Variants in NSUN7 observed in about 807,000 individuals in gnomAD.
NSUN7 encodes NOP2/Sun RNA methyltransferase family member 7, also known as protein NSUN7.
A neutral mutation model predicts 58.5 loss-of-function variants in NSUN7; 39 were observed. The observed-to-expected ratio is 0.67, with a 90% confidence interval of 0.52 to 0.87. NSUN7 has a LOEUF of 0.87. NSUN7 is among the 40% of genes least tolerant of loss of function. NSUN7 has a pLI of 0.00. For missense variants in NSUN7, 765 were observed against 844.1 expected, an observed-to-expected ratio of 0.91 and a Z score of 1.16; for synonymous variants, 278 against 303.7, an observed-to-expected ratio of 0.92 and a Z score of 0.88.
At chr4:40,794,687 G>T (rs561653601) in intron 9 of NSUN7, among the ~76,000 whole-genome samples, 129 of 152,230 alleles carry the variant, frequency 8.5e-4, no homozygotes, top group African/African-American at 3.0e-3. Flanking sequence ...TTTTAAACAG[G>T]TTAGCAAGCA....
Position 40,775,119 on chromosome 4 carries a change from A to T in NSUN7, c.825+169A>T, listed in dbSNP as rs1045058082. On this transcript the variant is annotated intron_variant, in intron 6 of 11. Transcript: ENST00000381782. The surrounding 1 kb of genome is among the most constrained non-coding windows in gnomAD (Gnocchi z 4.3). ...AAATTAATACCTCTACAATCAGTGC[A>T]TCTGGTTGGCGTCTTTGTCTCATGT... 3 of 375,554 alleles carry T rather than the reference A, an allele frequency of 8.0e-6. No individual in the cohort carries two copies. In the East Asian group the frequency reaches 1.3e-4, roughly 16 times the overall value. The allele number at this position is 375,554 out of a possible 1,614,324, so 23.3% of individuals were successfully genotyped here.
chr4:40,754,841 A>G (rs1741059843), intron 2 of NSUN7, among the ~76,000 whole-genome samples: 1 of 152,086 alleles, frequency 6.6e-6, no homozygotes, highest in African/African-American at 2.4e-5. Flanking sequence ...TTTCAGTTTT[A>G]TTGTTTGTTC....
chr4:40,751,829 C>CA lies in NSUN7; in HGVS notation c.298+847dup, dbSNP rs966697510. On this transcript the variant is annotated intron_variant, in intron 2 of 11. Transcript: ENST00000381782. ...GGCATATAGTGAGATCTCCTCTCTACAAAAAAAAATTTAAAAATTAGCCCA... is the reference window on the plus strand; with the variant it reads ...GGCATATAGTGAGATCTCCTCTCTACAAAAAAAAAATTTAAAAATTAGCCCA... Among the ~76,000 whole-genome samples the CA allele has an allele frequency of 1.8e-4, 27 of 151,520 alleles. 1 individual carries two copies. The highest frequency in any genetic ancestry group is 2.4e-4 in the Non-Finnish European group (16 of 67,862).
intron 8 of NSUN7, among the ~76,000 whole-genome samples, chr4:40,792,045 A>C (rs1560560603): frequency 6.6e-6 from 1 of 152,224 alleles, no homozygotes; most frequent in Admixed American, 6.5e-5. Flanking sequence ...TTGACTTGCT[A>C]TAGAAAATTT....
intron 10 of NSUN7, among the ~76,000 whole-genome samples, chr4:40,801,859 A>AT (rs1743596972): frequency 6.7e-6 from 1 of 149,366 alleles, no homozygotes; most frequent in African/African-American, 2.5e-5. Context: ...CCGAGATCGC[A>AT]TCACTGCACT....
Position 40,750,168 on chromosome 4 carries a change from G to C in NSUN7, c.-224G>C, listed in dbSNP as rs1019969996. On this transcript the variant is annotated 5_prime_UTR_variant, in exon 1 of 12. Transcript: ENST00000381782. Reference sequence around the variant, plus strand: ...TGCCCCGAATCCTGCCGGTGGGAGTGGCTGCATTTGAACCAAACGGCCTTC... The same window carrying C: ...TGCCCCGAATCCTGCCGGTGGGAGTCGCTGCATTTGAACCAAACGGCCTTC... 1 of 152,864 alleles carries C rather than the reference G, an allele frequency of 6.5e-6. No homozygotes were observed. Among genetic ancestry groups the C allele is most frequent in the African/African-American group, 2.4e-5 (1 of 41,438 alleles). 9.5% of individuals were successfully genotyped at this position (152,864 alleles called of 1,614,324 possible).
intron 9 of NSUN7, 37 bp downstream of exon 9, chr4:40,794,513 G>C: frequency 8.0e-7 from 1 of 1,249,790 alleles, no homozygotes; most frequent in Non-Finnish European, 1.2e-6. Context: ...TTAAAATAAG[G>C]TGTACATTTT....
intron 4 of NSUN7, among the ~76,000 whole-genome samples, chr4:40,768,640 C>T (rs1741850771): frequency 6.6e-6 from 1 of 152,160 alleles, no homozygotes; most frequent in African/African-American, 2.4e-5. Flanking sequence ...CCCCTAAGCA[C>T]CAACATGTAT....
At chr4:40,786,724 C>A in intron 7 of NSUN7, 4 of 1,544,350 alleles carry the variant, frequency 2.6e-6, no homozygotes, top group Non-Finnish European at 3.5e-6. Flanking sequence ...ATATCAATAC[C>A]TATTATATCT....
Position 40,792,842 on chromosome 4 carries a change from G to A in NSUN7, c.1181-1533G>A, listed in dbSNP as rs1743155528. On this transcript the variant is annotated intron_variant, in intron 8 of 11. Coordinates refer to ENST00000381782, the MANE Select transcript of NSUN7 (RefSeq NM_024677.6). ...AGCTAAAAGCTTGAGCAAATAAGGAGCTGCCGACCTAGTGACTCTGGTGGG... is the reference window on the plus strand; with the variant it reads ...AGCTAAAAGCTTGAGCAAATAAGGAACTGCCGACCTAGTGACTCTGGTGGG... Among the ~76,000 whole-genome samples the A allele has an allele frequency of 2.0e-5, 3 of 152,210 alleles. No homozygotes were observed. In the South Asian group the frequency reaches 6.2e-4, roughly 32 times the overall value.
At chr4:40,778,607 C>G (rs1742379487) in intron 7 of NSUN7, among the ~76,000 whole-genome samples, 1 of 152,158 alleles carries the variant, frequency 6.6e-6, no homozygotes, top group South Asian at 2.1e-4. Context: ...TCTGCTGGTG[C>G]CTTGATCTTC....
At chr4:40,799,533 G>A (rs1743487370) in intron 10 of NSUN7, among the ~76,000 whole-genome samples, 1 of 151,862 alleles carries the variant, frequency 6.6e-6, no homozygotes, top group South Asian at 2.1e-4. Flanking sequence ...GGCAAACGTG[G>A]AGGAATATTG....
chr4:40,754,162 G>C, intron 2 of NSUN7, among the ~76,000 whole-genome samples: 1 of 78,646 alleles, frequency 1.3e-5, no homozygotes, highest in African/African-American at 5.0e-5. Flanking sequence ...TTTTTTTTTT[G>C]AGACAGAGTC....
intron 2 of NSUN7, among the ~76,000 whole-genome samples, chr4:40,758,718 A>C (rs913035521): frequency 2.6e-5 from 4 of 151,950 alleles, no homozygotes; most frequent in Admixed American, 2.6e-4. Flanking sequence ...AACAATAAAA[A>C]AATAAAAAAT....
Position 40,776,184 on chromosome 4 carries a change from G to C in NSUN7, c.961G>C (p.Val321Leu), listed in dbSNP as rs746759353. ...SILTNNNTSKVFVCGVQSQAK... is the reference protein window; with the variant it reads ...SILTNNNTSKLFVCGVQSQAK... ...TTTAACAAATAATAATACCTCAAAA[G>C]TATTTGTGTGTGGAGTACAATCACA... The change falls in exon 7 of 12, where the codon GTA (valine) becomes CTA (leucine). Residue 321 changes from valine to leucine, a missense_variant. Physicochemically the swap from Val to Leu is conservative, Grantham distance 32 (BLOSUM62 1). Transcript: ENST00000381782. 2.5e-6 allele frequency: 4 copies of C among 1,612,332 alleles called. No homozygotes were observed. The highest frequency in any genetic ancestry group is 3.4e-6 in the Non-Finnish European group (4 of 1,179,250).
At chr4:40,782,173 T>G (rs942202933) in intron 7 of NSUN7, among the ~76,000 whole-genome samples, 1 of 152,146 alleles carries the variant, frequency 6.6e-6, no homozygotes, top group Non-Finnish European at 1.5e-5. Context: ...ATGAATAATC[T>G]AAAAAATGAA....
At chr4:40,764,698 A>T (rs184935653) in intron 4 of NSUN7, among the ~76,000 whole-genome samples, 5 of 152,280 alleles carry the variant, frequency 3.3e-5, no homozygotes, top group East Asian at 1.9e-4. Context: ...TCCCACCAAC[A>T]GTGTTAAAGT....
chr4:40,750,973 G>C lies in NSUN7; in HGVS notation c.280G>C (p.Ala94Pro), dbSNP rs1422882953. ...QSFQRLSYEL[A>P]FSALKYQDIL... The stretch of plus-strand genomic sequence containing the variant: ...CTTTCAGCGTTTGTCTTATGAGCTG[G>C]CTTTCAGTGCCCTGAAATGTGAGTT... The change falls in exon 2 of 12, where the codon GCT (alanine) becomes CCT (proline). Residue 94 changes from alanine to proline, a missense_variant. Transcript: ENST00000381782. The C allele has an allele frequency of 2.5e-6, 4 of 1,613,660 alleles. No individual in the cohort carries two copies. The highest frequency in any genetic ancestry group is 3.4e-6 in the Non-Finnish European group (4 of 1,179,708).
At chr4:40,780,239 C>T (rs1274793487) in intron 7 of NSUN7, among the ~76,000 whole-genome samples, 2 of 152,158 alleles carry the variant, frequency 1.3e-5, no homozygotes, top group Non-Finnish European at 2.9e-5. Context: ...GAGATCGCGC[C>T]ACTGCCCTCC....
Sources: allele counts gnomAD v4.1 joint callset (sites outside exome capture counted in the v4.1 genomes callset), GRCh38; gene constraint gnomAD v4.1.1; non-coding constraint Gnocchi (gnomAD v3.1); transcripts MANE v1.5; gene names NCBI Gene and HGNC (gene_info 2026-07-23, HGNC 2026-07-21).